Variants in ZPR1 observed in about 807,000 individuals in gnomAD.
The protein encoded by ZPR1 is ZPR1 zinc finger.
A neutral mutation model predicts 59.6 loss-of-function variants in ZPR1; 37 were observed. The observed-to-expected ratio is 0.62, with a 90% CI of 0.48 to 0.82. ZPR1 has a LOEUF of 0.82. ZPR1 is among the 40% of genes least tolerant of loss of function. The pLI is 0.00. For missense variants in ZPR1, 527 were observed against 579.9 expected (o/e 0.91, Z 0.94); for synonymous variants, 191 against 215.2 (o/e 0.89, Z 0.99).
chr11:116,781,282 CATG>C (rs1258723156), intron 12 of ZPR1, among the ~76,000 whole-genome samples: 1 of 152,148 alleles, frequency 6.6e-6, no homozygotes, highest in Non-Finnish European at 1.5e-5. Context: ...AACTGAACCA[CATG>C]AGTTTTCCAG....
chr11:116,787,338 A>C lies in ZPR1; in HGVS notation c.333+144T>G, dbSNP rs1940903096. The C allele has an allele frequency of 5.9e-6, 5 of 850,914 alleles. No homozygotes were observed. In the Admixed American group the frequency reaches 8.5e-5, roughly 15 times the overall value. The allele number at this position is 850,914 out of a possible 1,614,324, so 52.7% of individuals were successfully genotyped here. On this transcript the variant is annotated intron_variant, in intron 2 of 13. Transcript: ENST00000227322. Reference sequence around the variant, plus strand: ...TCTTATCTCACTTGAGCTGATGACAACACCAGTACCATTTTACAAAAGAAA... The same window carrying C: ...TCTTATCTCACTTGAGCTGATGACACCACCAGTACCATTTTACAAAAGAAA...
rs538467609 is a variant in ZPR1, at chr11:116,773,943, T to A, written c.*4982A>T. The A allele has an allele frequency of 3.2e-4, 49 of 152,334 alleles. 1 individual carries two copies. Among genetic ancestry groups the A allele is most frequent in the African/African-American group, 1.2e-3 (49 of 41,578 alleles). The allele number at this position is 152,334 out of a possible 1,614,324, so 9.4% of individuals were successfully genotyped here. ...TGAAGCGTGGCAAGATTAAGGAAGT[T>A]GCTCAACTTCACATAGTCAGAACAT... is the stretch of plus-strand genomic sequence containing the variant. On this transcript the variant is annotated 3_prime_UTR_variant, in exon 14 of 14. Coordinates refer to ENST00000227322, the MANE Select transcript of ZPR1 (RefSeq NM_003904.5).
At position 116,778,743 on chromosome 11, in the gene ZPR1, C is replaced by T. The variant is rs1486685945; in HGVS notation, c.*182G>A. ...AAATAAGGTCAAGTAACACAATAGG[C>T]TCACACTTGCATCACAAGCTGTTTA... On this transcript the variant is annotated 3_prime_UTR_variant, in exon 14 of 14. Coordinates refer to ENST00000227322, the MANE Select transcript of ZPR1 (RefSeq NM_003904.5). 1 of 763,966 alleles carries T rather than the reference C, an allele frequency of 1.3e-6. No individual in the cohort carries two copies. The highest frequency in any genetic ancestry group is 2.0e-6 in the Non-Finnish European group (1 of 496,596). 47.3% of individuals were successfully genotyped at this position (763,966 alleles called of 1,614,324 possible).
chr11:116,784,742 C>T (rs1940858718), intron 8 of ZPR1, 113 bp downstream of exon 8: 5 of 1,126,356 alleles, frequency 4.4e-6, no homozygotes, highest in Non-Finnish European at 5.3e-6. Flanking sequence ...TAATATCTTC[C>T]TTATCACTGG....
rs1050454163 is a variant in ZPR1 at position 116,774,444 on chromosome 11, C to A, written c.*4481G>T. 1 of 152,108 alleles carries A rather than the reference C, an allele frequency of 6.6e-6. No homozygotes were observed. Among genetic ancestry groups the A allele is most frequent in the Non-Finnish European group, 1.5e-5 (1 of 68,026 alleles). The allele number at this position is 152,108 out of a possible 1,614,324, so 9.4% of individuals were successfully genotyped here. A position where few individuals can be genotyped will look rare whatever the true frequency, so the allele number is the denominator to read the frequency against. On this transcript the variant is annotated 3_prime_UTR_variant, in exon 14 of 14. Transcript: ENST00000227322. ...TACACAAAAGTGCAAACAATAGTTT[C>A]TTGGACCAAGAGTCAAAAAGGTCAC...
At position 116,784,361 on chromosome 11, in the gene ZPR1, T is replaced by C; in HGVS notation, c.891+17A>G. Reference sequence around the variant, plus strand: ...CCCTTAAGCTAGTCTTCTTCCCAAATAATGGCGCCCACCCACCTCATTGGT... The same window carrying C: ...CCCTTAAGCTAGTCTTCTTCCCAAACAATGGCGCCCACCCACCTCATTGGT... On this transcript the variant is annotated intron_variant, in intron 9 of 13. Transcript: ENST00000227322. 1 of 1,613,702 alleles carries C rather than the reference T, an allele frequency of 6.2e-7. No individual in the cohort carries two copies. The highest frequency in any genetic ancestry group is 8.5e-7 in the Non-Finnish European group (1 of 1,179,892).
At position 116,787,515 on chromosome 11, in the gene ZPR1, TC is replaced by T; in HGVS notation, c.299del (p.Gly100GlufsTer14). 6.2e-7 allele frequency: 1 copy of T among 1,614,136 alleles called. No individual in the cohort carries two copies. The highest frequency in any genetic ancestry group is 8.5e-7 in the Non-Finnish European group (1 of 1,180,006). ...IQSAGRIQDQ[G>X]VRYTLSVRAL... ...CCCTGACAGACAAAGTGTAGCGCAC[TC>T]CCTGGTCCTGGATCCTGCCTGCCGA... On this transcript the variant is annotated frameshift_variant, in exon 2 of 14. Coordinates refer to ENST00000227322, the MANE Select transcript of ZPR1 (RefSeq NM_003904.5). LOFTEE classifies it high-confidence loss of function.
chr11:116,784,540 G>C (rs182104705), intron 8 of ZPR1, 92 bp from the exon 9 acceptor site: 3 of 1,231,856 alleles, frequency 2.4e-6, no homozygotes, highest in Non-Finnish European at 3.6e-6. Context: ...ACATATGCTG[G>C]TCCCAGAACT....
intron 9 of ZPR1, 31 bp downstream of exon 9, chr11:116,784,347 G>C: frequency 6.2e-7 from 1 of 1,610,218 alleles, no homozygotes; most frequent in South Asian, 1.1e-5. Flanking sequence ...CCTTAAGCTA[G>C]TCTTCTTCCC....
At chr11:116,784,316 T>A (rs1344036068) in intron 9 of ZPR1, 62 bp downstream of exon 9, 2 of 1,558,818 alleles carry the variant, frequency 1.3e-6, no homozygotes, top group South Asian at 1.1e-5. Flanking sequence ...TTAGGAAGAA[T>A]GATAGTTAAA....
Position 116,785,543 on chromosome 11 carries a change from G to C in ZPR1, c.676C>G (p.Arg226Gly), listed in dbSNP as rs776859358. ...ALVITHYNRTRQQEEMLGLQE... is the reference protein window; with the variant it reads ...ALVITHYNRTGQQEEMLGLQE... The stretch of plus-strand genomic sequence containing the variant: ...AGCCCCAGCATCTCTTCCTGCTGTC[G>C]GGTCCGGTTGTAGTGTGTGATCACC... Residue 226 changes from arginine to glycine, a missense_variant, in exon 6 of 14, where the codon CGA (arginine) becomes GGA (glycine). Coordinates refer to ENST00000227322, the MANE Select transcript of ZPR1 (RefSeq NM_003904.5). 1.9e-6 allele frequency: 3 copies of C among 1,614,124 alleles called. No individual in the cohort carries two copies. Among genetic ancestry groups the C allele is most frequent in the Non-Finnish European group, 8.5e-7 (1 of 1,180,024 alleles).
chr11:116,775,441 G>A lies in ZPR1; in HGVS notation c.*3484C>T, dbSNP rs1454058686. 7.1e-6 allele frequency: 1 copy of A among 141,132 alleles called. No homozygotes were observed. Among genetic ancestry groups the A allele is most frequent in the Non-Finnish European group, 1.5e-5 (1 of 66,934 alleles). 8.7% of individuals were successfully genotyped at this position (141,132 alleles called of 1,614,324 possible). On this transcript the variant is annotated 3_prime_UTR_variant, in exon 14 of 14. Coordinates refer to ENST00000227322, the MANE Select transcript of ZPR1 (RefSeq NM_003904.5). ...CCACTGCACTCCATCCTGGGTGACA[G>A]AGCAAGACTGTCTCCAAAAAAAAAA...
In ZPR1 at chr11:116,778,889, A is replaced by G; in HGVS notation, c.*36T>C. On this transcript the variant is annotated 3_prime_UTR_variant, in exon 14 of 14. Transcript: ENST00000227322. ...ATACTAATAAATAACCTACAGAAAG[A>G]GCAGCGCTGGAGGCTGGCCCTTGAG... 6.2e-7 allele frequency: 1 copy of G among 1,605,984 alleles called. No individual in the cohort carries two copies.
intron 10 of ZPR1, among the ~76,000 whole-genome samples, chr11:116,783,315 A>C (rs1051547454): frequency 2.0e-5 from 3 of 152,224 alleles, no homozygotes; most frequent in Non-Finnish European, 4.4e-5. Flanking sequence ...GAGGCCAAAA[A>C]GCTACCAGGT....
At chr11:116,786,928 G>A (rs1447910392) in intron 3 of ZPR1, 41 bp downstream of exon 3, 1 of 1,525,242 alleles carries the variant, frequency 6.6e-7, no homozygotes, top group Non-Finnish European at 9.1e-7. Flanking sequence ...TAAGATTCTA[G>A]CTACATGCGA....
chr11:116,779,312 T>C (rs1477180421), intron 13 of ZPR1, among the ~76,000 whole-genome samples: 1 of 152,222 alleles, frequency 6.6e-6, no homozygotes, highest in Non-Finnish European at 1.5e-5. Context: ...TTATGAAAAG[T>C]ATGACAAATG....
chr11:116,784,303 T>C (rs1940853263), intron 9 of ZPR1, 75 bp downstream of exon 9: 7 of 1,507,698 alleles, frequency 4.6e-6, no homozygotes, highest in Non-Finnish European at 6.4e-6. Flanking sequence ...AGTACTGAAG[T>C]ACTTAGGAAG....
At chr11:116,786,141 T>A (rs1940884394) in intron 4 of ZPR1, among the ~76,000 whole-genome samples, 2 of 152,188 alleles carry the variant, frequency 1.3e-5, no homozygotes, top group Admixed American at 1.3e-4. Context: ...AGTATATATA[T>A]CAGTCCTCTC....
At position 116,778,832 on chromosome 11, in the gene ZPR1, G is replaced by A; in HGVS notation, c.*93C>T. 6.7e-7 allele frequency: 1 copy of A among 1,499,968 alleles called. No individual in the cohort carries two copies. Among genetic ancestry groups the A allele is most frequent in the Non-Finnish European group, 8.9e-7 (1 of 1,120,448 alleles). 92.9% of individuals were successfully genotyped at this position (1,499,968 alleles called of 1,614,324 possible). A position where few individuals can be genotyped will look rare whatever the true frequency, so the allele number is the denominator to read the frequency against. On this transcript the variant is annotated 3_prime_UTR_variant, in exon 14 of 14. Coordinates refer to ENST00000227322, the MANE Select transcript of ZPR1 (RefSeq NM_003904.5). The stretch of plus-strand genomic sequence containing the variant: ...TCCCCACCATGGGCAAGGGCTGGTG[G>A]GAAAGACACTCCCAGCCTTCGCCTT...
Sources: allele counts gnomAD v4.1 joint callset (sites outside exome capture counted in the v4.1 genomes callset), GRCh38; gene constraint gnomAD v4.1.1; transcripts MANE v1.5; gene names NCBI Gene and HGNC (gene_info 2026-07-23, HGNC 2026-07-21).